Variants in PCDH15 observed in about 807,000 individuals in gnomAD.
PCDH15 encodes the protein protocadherin-15.
Under a neutral mutation model 178.5 loss-of-function variants are expected in PCDH15, and 129 were observed. That is an observed-to-expected ratio of 0.72 (90% CI 0.63 to 0.84). The LOEUF is 0.84. Among genes scored for constraint, PCDH15 ranks in the 40% least tolerant of loss-of-function variants. PCDH15 has a pLI of 0.00. For missense variants in PCDH15, 2,230 were observed against 2,099.9 expected (o/e 1.06, Z -1.21); for synonymous variants, 800 against 732.0 (o/e 1.09, Z -1.50).
At chr10:54,637,386 T>C (rs907290382) in intron 2 of PCDH15, among the ~76,000 whole-genome samples, 10 of 151,956 alleles carry the variant, frequency 6.6e-5, no homozygotes, top group African/African-American at 2.4e-4. Flanking sequence ...AAAATCGAGG[T>C]GTGGACAGGA....
At chr10:54,022,448 T>A (rs990035731) in intron 19 of PCDH15, among the ~76,000 whole-genome samples, 2 of 143,154 alleles carry the variant, frequency 1.4e-5, no homozygotes, top group African/African-American at 5.2e-5. Flanking sequence ...TATATATGTA[T>A]AACCCACACA....
chr10:55,530,915 A>C (rs1841437950), intron 2 of PCDH15, among the ~76,000 whole-genome samples: 1 of 152,018 alleles, frequency 6.6e-6, no homozygotes, highest in Admixed American at 6.6e-5. Flanking sequence ...ATTTTCAACT[A>C]TACATTCAGT....
chr10:54,784,564 A>G (rs2133453171), intron 1 of PCDH15, among the ~76,000 whole-genome samples: 1 of 152,172 alleles, frequency 6.6e-6, no homozygotes, highest in Admixed American at 6.6e-5. Context: ...AAACTAAGAG[A>G]ATCAATTCAT....
chr10:54,255,904 A>G (rs919736005), intron 8 of PCDH15, among the ~76,000 whole-genome samples: 3 of 152,208 alleles, frequency 2.0e-5, no homozygotes, highest in East Asian at 1.9e-4. Flanking sequence ...ACGCCTCAGC[A>G]TAGGTGCAAA....
chr10:54,331,791 C>T (rs754051849), intron 6 of PCDH15, among the ~76,000 whole-genome samples: 1 of 152,006 alleles, frequency 6.6e-6, no homozygotes, highest in Non-Finnish European at 1.5e-5. Context: ...GCTCACATAT[C>T]TGGTGACATT....
chr10:54,644,839 A>T (rs2094088036), intron 2 of PCDH15, among the ~76,000 whole-genome samples: 1 of 152,122 alleles, frequency 6.6e-6, no homozygotes, highest in Non-Finnish European at 1.5e-5. Flanking sequence ...TGCACTCTGT[A>T]CCTTATAGAA....
At chr10:54,695,436 A>T (rs1565963215) in intron 1 of PCDH15, among the ~76,000 whole-genome samples, 1 of 152,178 alleles carries the variant, frequency 6.6e-6, no homozygotes, top group African/African-American at 2.4e-5. Flanking sequence ...TCATCTCCAT[A>T]ACATAAAAGT....
intron 7 of PCDH15, 67 bp from the exon 8 acceptor site, chr10:54,317,508 C>A: frequency 1.3e-6 from 2 of 1,568,124 alleles, no homozygotes; most frequent in African/African-American, 1.4e-5. Flanking sequence ...GGAGCAGTGG[C>A]CCATACCTGT....
intron 18 of PCDH15, among the ~76,000 whole-genome samples, chr10:54,043,155 A>T (rs1219749644): frequency 6.6e-6 from 1 of 152,112 alleles, no homozygotes; most frequent in Non-Finnish European, 1.5e-5. Context: ...TTTCAGATTT[A>T]TCGGTGAACA....
At chr10:54,708,270 T>C (rs900084205) in intron 1 of PCDH15, among the ~76,000 whole-genome samples, 2 of 152,144 alleles carry the variant, frequency 1.3e-5, no homozygotes, top group Non-Finnish European at 2.9e-5. Flanking sequence ...TAAATCACTA[T>C]GGCAACATTG....
intron 1 of PCDH15, among the ~76,000 whole-genome samples, chr10:54,785,916 G>T (rs1011576198): frequency 6.6e-6 from 1 of 151,846 alleles, no homozygotes; most frequent in East Asian, 1.9e-4. Context: ...TCTCTGATAC[G>T]TTGTTAAAGG....
chr10:53,930,498 G>T (rs114538439), intron 25 of PCDH15, among the ~76,000 whole-genome samples: 1 of 135,266 alleles, frequency 7.4e-6, no homozygotes, highest in South Asian at 2.6e-4. Context: ...AAATAGCAAC[G>T]CATTCACATT....
chr10:55,523,399 G>A (rs1028399531), intron 2 of PCDH15, among the ~76,000 whole-genome samples: 1 of 151,460 alleles, frequency 6.6e-6, no homozygotes, highest in Admixed American at 6.6e-5. Context: ...AATTGTAGAA[G>A]TTCTGGAATA....
rs917555770 is a variant in PCDH15, at chr10:55,475,908, C to T, written c.-156+151717G>A. Among the ~76,000 whole-genome samples the T allele has an allele frequency of 6.6e-5, 10 of 152,114 alleles. No individual in the cohort carries two copies. In the East Asian group the frequency reaches 1.4e-3, roughly 21 times the overall value. ...TTGAAAATCATAATTTTAGCCAGCCCTTATTGGAGAACAGAATTAGGCAAA... is the reference window on the plus strand; with the variant it reads ...TTGAAAATCATAATTTTAGCCAGCCTTTATTGGAGAACAGAATTAGGCAAA... On this transcript the variant is annotated intron_variant, in intron 2 of 5. Transcript: ENST00000613346.
At chr10:54,382,997 C>T (rs1949421489) in intron 3 of PCDH15, among the ~76,000 whole-genome samples, 1 of 152,006 alleles carries the variant, frequency 6.6e-6, no homozygotes, top group Non-Finnish European at 1.5e-5. Context: ...TTACAATCAG[C>T]AATATAGAGT....
intron 18 of PCDH15, among the ~76,000 whole-genome samples, chr10:54,063,181 G>T (rs528112406): frequency 9.4e-4 from 143 of 152,276 alleles, no homozygotes; most frequent in Middle Eastern, 6.8e-3. Context: ...CAAATCAGAT[G>T]TTGCCATACC....
At chr10:53,826,047 T>TTTTAG (rs1349241741) in intron 32 of PCDH15, among the ~76,000 whole-genome samples, 11 of 151,774 alleles carry the variant, frequency 7.2e-5, no homozygotes, top group Non-Finnish European at 1.5e-5. Flanking sequence ...TAATCCTTTT[T>TTTTAG]TTTAGTTTCT....
At chr10:54,322,202 G>C (rs1233221331) in intron 7 of PCDH15, among the ~76,000 whole-genome samples, 1 of 151,684 alleles carries the variant, frequency 6.6e-6, no homozygotes, top group East Asian at 1.9e-4. Context: ...ATTGTGAGTG[G>C]TAAAAAATAA....
chr10:54,974,298 C>T (rs1465676839), intron 2 of PCDH15, among the ~76,000 whole-genome samples: 1 of 151,938 alleles, frequency 6.6e-6, no homozygotes, highest in African/African-American at 2.4e-5. Context: ...TACATTGATA[C>T]TTCATGTCTA....
Sources: gnomAD v4.1 joint callset for allele counts (sites outside exome capture counted in the v4.1 genomes callset) on GRCh38, gnomAD v4.1.1 for gene constraint, MANE v1.5 for transcripts, NCBI Gene and HGNC (gene_info 2026-07-23, HGNC 2026-07-21) for gene names.